The following EGLN1 variants were observed in gnomAD, a reference collection of about 807,000 sequenced individuals.
The protein encoded by EGLN1 is egl-9 family hypoxia inducible factor 1.
EGLN1 carries 17 observed loss-of-function variants against 38.3 expected under a neutral mutation model. That is an observed-to-expected ratio of 0.44 (90% CI 0.30 to 0.67). EGLN1 has a LOEUF of 0.67. EGLN1 is among the 30% of genes least tolerant of loss of function. EGLN1 has a pLI of 0.08. For missense variants in EGLN1, 477 were observed against 603.3 expected (o/e 0.79, Z 2.19); for synonymous variants, 283 against 257.5 (o/e 1.10, Z -0.95).
intron 1 of EGLN1, among the ~76,000 whole-genome samples, chr1:231,380,451 G>C (rs533935190): frequency 7.5e-6 from 1 of 134,202 alleles, no homozygotes; most frequent in East Asian, 2.1e-4. Context: ...TCATTTCTAA[G>C]TGTAAATGAT....
intron 1 of EGLN1, among the ~76,000 whole-genome samples, chr1:231,402,686 C>T (rs774453652): frequency 2.0e-5 from 3 of 152,014 alleles, no homozygotes; most frequent in Admixed American, 6.6e-5. Context: ...CTGCCGGCCT[C>T]GGCCTCCCAA....
chr1:231,390,956 T>C (rs2102914818), intron 1 of EGLN1, among the ~76,000 whole-genome samples: 1 of 152,016 alleles, frequency 6.6e-6, no homozygotes, highest in South Asian at 2.1e-4. Context: ...CAAGCAATAC[T>C]CCTGCCCCAG....
Position 231,421,793 on chromosome 1 carries a change from G to A in EGLN1, c.96C>T (p.Arg32=), listed in dbSNP as rs749684908. The A allele has an allele frequency of 1.0e-5, 16 of 1,559,364 alleles. No individual in the cohort carries two copies. The highest frequency in any genetic ancestry group is 1.3e-5 in the Non-Finnish European group (15 of 1,162,830). The part of the protein sequence containing the change: ...ELCGKMENLL[R]CSRCRSSFYC... Reference sequence around the variant, plus strand: ...AGAAGGAGCTGCGGCAGCGGCTGCAGCGCAGCAGGTTCTCCATCTTCCCGC... The same window carrying A: ...AGAAGGAGCTGCGGCAGCGGCTGCAACGCAGCAGGTTCTCCATCTTCCCGC... The change falls in exon 1 of 5, where the codon CGC becomes CGT. Residue 32 remains arginine, a synonymous_variant. Coordinates refer to ENST00000366641, the MANE Select transcript of EGLN1 (RefSeq NM_022051.3). The surrounding 1 kb of genome is among the most constrained non-coding windows in gnomAD (Gnocchi z 5.5).
chr1:231,391,089 T>G (rs1558387109), intron 1 of EGLN1, among the ~76,000 whole-genome samples: 3,508 of 44,690 alleles, frequency 0.078, 357 homozygotes, highest in Non-Finnish European at 0.11. Flanking sequence ...TTCTGTTTTT[T>G]TTTTGTGTGT....
At chr1:231,381,390 T>G (rs1034378659) in intron 1 of EGLN1, among the ~76,000 whole-genome samples, 1 of 152,178 alleles carries the variant, frequency 6.6e-6, no homozygotes, top group African/African-American at 2.4e-5. Flanking sequence ...TCCAAGATTC[T>G]TCCCATGTTC....
Position 231,422,146 on chromosome 1 carries a change from G to A in EGLN1, c.-258C>T, listed in dbSNP as rs974026702. On this transcript the variant is annotated 5_prime_UTR_variant, in exon 1 of 5. Coordinates refer to ENST00000366641, the MANE Select transcript of EGLN1 (RefSeq NM_022051.3). ...GGGCTGAGAGAATAGGGCCTGTGCG[G>A]CGAATGGCAACCTGGGCTCAGGCGC... 2 of 307,472 alleles carry A rather than the reference G, an allele frequency of 6.5e-6. No individual in the cohort carries two copies. Among genetic ancestry groups the A allele is most frequent in the Admixed American group, 5.3e-5 (1 of 18,844 alleles). 19.0% of individuals were successfully genotyped at this position (307,472 alleles called of 1,614,324 possible).
intron 1 of EGLN1, among the ~76,000 whole-genome samples, chr1:231,404,583 T>TC (rs1433620564): frequency 1.3e-5 from 2 of 151,966 alleles, no homozygotes; most frequent in Non-Finnish European, 2.9e-5. Flanking sequence ...TTCAAGACCA[T>TC]CCTGGGCAAC....
At chr1:231,391,664 ACTAT>A (rs1290590001) in intron 1 of EGLN1, among the ~76,000 whole-genome samples, 9 of 152,206 alleles carry the variant, frequency 5.9e-5, no homozygotes, top group East Asian at 1.9e-4. Context: ...AGCACATGAG[ACTAT>A]CTTTTTATTT....
chr1:231,387,284 T>G (rs1317620244), intron 1 of EGLN1, among the ~76,000 whole-genome samples: 1 of 151,176 alleles, frequency 6.6e-6, no homozygotes, highest in Non-Finnish European at 1.5e-5. Context: ...GACAGAATAC[T>G]AAATTATGCC....
At chr1:231,409,254 A>C (rs912867094) in intron 1 of EGLN1, among the ~76,000 whole-genome samples, 1 of 145,590 alleles carries the variant, frequency 6.9e-6, no homozygotes. Context: ...AAAAAAAAAA[A>C]AACAAAAAAA....
intron 1 of EGLN1, among the ~76,000 whole-genome samples, chr1:231,400,425 T>C (rs1042123009): frequency 6.6e-6 from 1 of 152,100 alleles, no homozygotes; most frequent in Admixed American, 6.6e-5. Flanking sequence ...ATCCAAAACT[T>C]ATATACTTAC....
intron 1 of EGLN1, among the ~76,000 whole-genome samples, chr1:231,397,776 G>C (rs1218918136): frequency 6.6e-6 from 1 of 152,178 alleles, no homozygotes; most frequent in African/African-American, 2.4e-5. Flanking sequence ...CATAAGGAAA[G>C]TGTCCACAAA....
At chr1:231,413,762 G>A (rs1689009603) in intron 1 of EGLN1, among the ~76,000 whole-genome samples, 1 of 152,084 alleles carries the variant, frequency 6.6e-6, no homozygotes, top group Non-Finnish European at 1.5e-5. Context: ...AGTGAAAATA[G>A]TATCAAAACA....
intron 1 of EGLN1, among the ~76,000 whole-genome samples, chr1:231,408,643 C>T (rs751634233): frequency 2.0e-5 from 3 of 152,030 alleles, no homozygotes; most frequent in Non-Finnish European, 2.9e-5. Flanking sequence ...ACTGAGTCCT[C>T]GACGCAAGAT....
At chr1:231,406,330 AAAG>A (rs1207828743) in intron 1 of EGLN1, among the ~76,000 whole-genome samples, 1 of 152,094 alleles carries the variant, frequency 6.6e-6, no homozygotes, top group Non-Finnish European at 1.5e-5. Context: ...TATTAGTGAT[AAAG>A]ACTCTCAGTC....
chr1:231,366,083 G>T lies in EGLN1; in HGVS notation c.*328C>A. On this transcript the variant is annotated 3_prime_UTR_variant, in exon 5 of 5. Transcript: ENST00000366641. Reference sequence around the variant, plus strand: ...GATATAAAAAAGGGAGAGATGAAATGAACTCAGCTAGATAACAGATCTGGC... The same window carrying T: ...GATATAAAAAAGGGAGAGATGAAATTAACTCAGCTAGATAACAGATCTGGC... 6.3e-6 allele frequency: 2 copies of T among 315,638 alleles called. No individual in the cohort carries two copies. Among genetic ancestry groups the T allele is most frequent in the Non-Finnish European group, 5.8e-6 (1 of 171,162 alleles). The allele number at this position is 315,638 out of a possible 1,614,324, so 19.6% of individuals were successfully genotyped here.
chr1:231,421,851 G>C lies in EGLN1; in HGVS notation c.38C>G (p.Pro13Arg), dbSNP rs1394788474. 2.0e-6 allele frequency: 3 copies of C among 1,495,582 alleles called. No homozygotes were observed. The highest frequency in any genetic ancestry group is 1.2e-5 in the South Asian group (1 of 80,146). 92.6% of individuals were successfully genotyped at this position (1,495,582 alleles called of 1,614,324 possible). ...GCAGTACTGCCGGTCTCGCTCGCTC[G>C]GGCTCGGCCCGCCGGGCCCGCCGCT... ...NDSGGPGGPS[P>R]SERDRQYCEL... Residue 13 changes from proline (P) to arginine (R), a missense_variant, in exon 1 of 5, where the codon CCG becomes CGG. Physicochemically the swap from Pro to Arg is moderately radical, Grantham distance 103. Coordinates refer to ENST00000366641, the MANE Select transcript of EGLN1 (RefSeq NM_022051.3). The surrounding 1 kb of genome is among the most constrained non-coding windows in gnomAD (Gnocchi z 5.5).
chr1:231,404,589 G>A (rs1371654103), intron 1 of EGLN1, among the ~76,000 whole-genome samples: 1 of 151,786 alleles, frequency 6.6e-6, no homozygotes, highest in Non-Finnish European at 1.5e-5. Flanking sequence ...ACCATCCTGG[G>A]CAACATAGCA....
At chr1:231,396,524 T>A (rs1358038195) in intron 1 of EGLN1, among the ~76,000 whole-genome samples, 1 of 152,158 alleles carries the variant, frequency 6.6e-6, no homozygotes, top group African/African-American at 2.4e-5. Context: ...AGTGCTGGGA[T>A]TACAGGTGTG....
Sources: allele counts gnomAD v4.1 joint callset (sites outside exome capture counted in the v4.1 genomes callset), GRCh38; gene constraint gnomAD v4.1.1; non-coding constraint Gnocchi (gnomAD v3.1); transcripts MANE v1.5; gene names NCBI Gene and HGNC (gene_info 2026-07-23, HGNC 2026-07-21).